NEK4: variants seen among roughly 807,000 people sequenced by gnomAD.
The protein encoded by NEK4 is NIMA related kinase 4.
NEK4 carries 86 observed loss-of-function variants against 98.4 expected under a neutral mutation model. That is an observed-to-expected ratio of 0.87 (90% CI 0.73 to 1.05). NEK4 has a LOEUF of 1.05. Ranked by LOEUF, NEK4 falls within the 50% of genes least tolerant of loss-of-function variation. NEK4 has a pLI of 0.00. For synonymous variants in NEK4, 328 were observed against 342.2 expected, an observed-to-expected ratio of 0.96 and a Z score of 0.46; for missense variants, 898 against 950.3, an observed-to-expected ratio of 0.94 and a Z score of 0.72.
rs543476324 is a variant in NEK4, at chr3:52,724,191, C to T, written c.2434-12322G>A. Among the ~76,000 whole-genome samples the T allele has an allele frequency of 1.3e-4, 19 of 151,220 alleles. No individual in the cohort carries two copies. The South Asian group carries it at 4.0e-3, about 32-fold the overall frequency. Reference sequence around the variant, plus strand: ...GAGGTTGCAGTGAGCCAAGATGGCGCCACCGCACTCCACCCTGGGGACAGT... The same window carrying T: ...GAGGTTGCAGTGAGCCAAGATGGCGTCACCGCACTCCACCCTGGGGACAGT... On this transcript the variant is annotated intron_variant, in intron 15 of 15. Transcript: ENST00000233027.
chr3:52,717,572 G>A (rs965120381), intron 15 of NEK4, among the ~76,000 whole-genome samples: 3 of 151,954 alleles, frequency 2.0e-5, no homozygotes, highest in Non-Finnish European at 2.9e-5. Context: ...TTCTAAAGTG[G>A]GGGTATCACT....
chr3:52,719,050 C>A (rs532919360), intron 15 of NEK4, among the ~76,000 whole-genome samples: 1 of 152,348 alleles, frequency 6.6e-6, no homozygotes, highest in South Asian at 2.1e-4. Context: ...AGCCATCGCG[C>A]CTGGCCTACA....
In NEK4 at chr3:52,770,635, G is replaced by A. The variant is rs1288769342; in HGVS notation, c.93+19C>T. On this transcript the variant is annotated intron_variant, in intron 1 of 15. Coordinates refer to ENST00000233027, the MANE Select transcript of NEK4 (RefSeq NM_003157.6). ...CTTCTGCCCGCCCCCGCCCCTTGCCGGGCCCCACCCCTGCAGACCTGCTTG... is the reference window on the plus strand; with the variant it reads ...CTTCTGCCCGCCCCCGCCCCTTGCCAGGCCCCACCCCTGCAGACCTGCTTG... The A allele has an allele frequency of 2.2e-5, 27 of 1,200,354 alleles. No individual in the cohort carries two copies. The highest frequency in any genetic ancestry group is 3.1e-5 in the Non-Finnish European group (26 of 836,322). 74.4% of individuals were successfully genotyped at this position (1,200,354 alleles called of 1,614,324 possible). A position where few individuals can be genotyped will look rare whatever the true frequency, so the allele number is the denominator to read the frequency against.
At chr3:52,730,623 G>C (rs1459672606) in intron 15 of NEK4, among the ~76,000 whole-genome samples, 1 of 152,186 alleles carries the variant, frequency 6.6e-6, no homozygotes, top group Non-Finnish European at 1.5e-5. Context: ...TGTCCTTGTT[G>C]AGTCTTGATG....
chr3:52,737,512 T>C (rs1174495744), intron 15 of NEK4, 74 bp downstream of exon 15: 1 of 1,478,648 alleles, frequency 6.8e-7, no homozygotes, highest in East Asian at 2.3e-5. Context: ...TTGTTATGTG[T>C]GATTTATATT....
intron 11 of NEK4, among the ~76,000 whole-genome samples, chr3:52,744,035 C>T (rs2286800): frequency 0.34 from 51,515 of 152,066 alleles, 9,735 homozygotes; most frequent in Admixed American, 0.46. Flanking sequence ...TATCCCCCTC[C>T]TCTGATATTT....
intron 8 of NEK4, among the ~76,000 whole-genome samples, chr3:52,747,814 T>C (rs1299623856): frequency 6.6e-6 from 1 of 150,942 alleles, no homozygotes; most frequent in African/African-American, 2.4e-5. Context: ...GATGTAGTGA[T>C]ATGCCAGGTA....
intron 8 of NEK4, among the ~76,000 whole-genome samples, chr3:52,749,096 G>C (rs950077172): frequency 6.6e-6 from 1 of 151,866 alleles, no homozygotes; most frequent in Non-Finnish European, 1.5e-5. Context: ...AAGGGGAAGA[G>C]GGGAGGGGAG....
intron 6 of NEK4, among the ~76,000 whole-genome samples, chr3:52,756,583 C>T (rs552631921): frequency 1.8e-4 from 27 of 152,210 alleles, no homozygotes; most frequent in African/African-American, 6.5e-4. Context: ...CTTTACCTAA[C>T]ACCATATATA....
chr3:52,752,923 T>G (rs1485915690), intron 6 of NEK4, among the ~76,000 whole-genome samples: 1 of 54,570 alleles, frequency 1.8e-5, no homozygotes, highest in African/African-American at 7.3e-5. Flanking sequence ...AAAAAATATA[T>G]ATATATATAT....
chr3:52,744,683 CAA>C (rs567707729), intron 10 of NEK4, among the ~76,000 whole-genome samples: 7 of 81,120 alleles, frequency 8.6e-5, no homozygotes, highest in Admixed American at 2.7e-4. Flanking sequence ...GACTCCATCT[CAA>C]AAAAAAAAAA....
At chr3:52,745,071 A>T (rs57420459) in intron 10 of NEK4, among the ~76,000 whole-genome samples, 16,874 of 151,420 alleles carry the variant, frequency 0.11, 2,454 homozygotes, top group African/African-American at 0.34. Context: ...GCCCACCACA[A>T]CGCCCGGCTA....
intron 13 of NEK4, among the ~76,000 whole-genome samples, chr3:52,740,384 A>G (rs1177823029): frequency 6.6e-6 from 1 of 152,262 alleles, no homozygotes; most frequent in Non-Finnish European, 1.5e-5. Flanking sequence ...AAATTTCTAG[A>G]AATGAAAGAT....
intron 15 of NEK4, among the ~76,000 whole-genome samples, chr3:52,735,878 G>A (rs2097375123): frequency 6.6e-6 from 1 of 152,228 alleles, no homozygotes; most frequent in African/African-American, 2.4e-5. Context: ...ATACCTGTTA[G>A]CATTCACTGC....
Position 52,737,497 on chromosome 3 carries a change from G to C in NEK4, c.2433+89C>G, listed in dbSNP as rs147428020. The C allele has an allele frequency of 1.0e-3, 1,389 of 1,363,070 alleles. 1 individual carries two copies. The highest frequency in any genetic ancestry group is 1.4e-3 in the Admixed American group (84 of 58,168). The allele number at this position is 1,363,070 out of a possible 1,614,324, so 84.4% of individuals were successfully genotyped here. On this transcript the variant is annotated intron_variant, in intron 15 of 15. Coordinates refer to ENST00000233027, the MANE Select transcript of NEK4 (RefSeq NM_003157.6). ...CCACTGAATTATACACTTTAGATGA[G>C]TGAATTGTTATGTGTGATTTATATT...
At chr3:52,770,060 G>T (rs897042894) in intron 1 of NEK4, among the ~76,000 whole-genome samples, 6 of 152,154 alleles carry the variant, frequency 3.9e-5, no homozygotes, top group African/African-American at 1.2e-4. Context: ...AGTGATAGAT[G>T]AATATAATCA....
intron 13 of NEK4, 63 bp from the exon 14 acceptor site, chr3:52,739,697 T>C (rs1015733722): frequency 8.3e-6 from 12 of 1,444,456 alleles, no homozygotes; most frequent in East Asian, 2.3e-5. Context: ...CATTAAAAAA[T>C]TACGTGCAAA....
intron 15 of NEK4, among the ~76,000 whole-genome samples, chr3:52,722,268 C>T (rs1476973950): frequency 2.0e-5 from 3 of 152,220 alleles, no homozygotes; most frequent in Admixed American, 6.5e-5. Flanking sequence ...CAACATCCAG[C>T]GTATCCTTAT....
chr3:52,748,141 G>C (rs1223723651), intron 8 of NEK4, among the ~76,000 whole-genome samples: 1 of 123,626 alleles, frequency 8.1e-6, no homozygotes, highest in Non-Finnish European at 1.8e-5. Context: ...TTTTTTTTTT[G>C]TATTTTTAGT....
Sources: gnomAD v4.1 joint callset for allele counts (sites outside exome capture counted in the v4.1 genomes callset) on GRCh38, gnomAD v4.1.1 for gene constraint, MANE v1.5 for transcripts, NCBI Gene and HGNC (gene_info 2026-07-23, HGNC 2026-07-21) for gene names.